The following C8orf74 variants were observed in gnomAD, a reference collection of about 807,000 sequenced individuals.
C8orf74 encodes chromosome 8 open reading frame 74, also known as uncharacterized protein C8orf74.
Under a neutral mutation model 22.2 loss-of-function variants are expected in C8orf74, and 29 were observed. The ratio of observed to expected loss-of-function variants is 1.31; its 90% CI spans 0.97 to 1.78. The LOEUF (loss-of-function observed/expected upper bound fraction) is 1.78. Among genes scored for constraint, C8orf74 ranks in the 40% most tolerant of loss-of-function variants. C8orf74 has a pLI of 0.00. For missense variants in C8orf74, 515 were observed against 369.9 expected (o/e 1.39, Z -3.22); for synonymous variants, 255 against 163.1 (o/e 1.56, Z -4.30).
At chr8:10,699,767 G>T (rs2129059519) in intron 3 of C8orf74, among the ~76,000 whole-genome samples, 1 of 152,366 alleles carries the variant, frequency 6.6e-6, no homozygotes, top group African/African-American at 2.4e-5. Flanking sequence ...TGAGAATGAG[G>T]ATGGTGGGGG....
intron 2 of C8orf74, among the ~76,000 whole-genome samples, chr8:10,682,487 T>G (rs1457853853): frequency 6.6e-6 from 1 of 152,164 alleles, no homozygotes; most frequent in African/African-American, 2.4e-5. Flanking sequence ...CTTGTGGACA[T>G]CCGCCTTCTC....
chr8:10,692,626 C>A (rs1388568594), intron 2 of C8orf74: 1 of 152,266 alleles, frequency 6.6e-6, no homozygotes, highest in Non-Finnish European at 1.5e-5. Flanking sequence ...TCTATCTCAA[C>A]CTCCTGAGTA....
At chr8:10,698,133 C>A in intron 3 of C8orf74, 128 bp downstream of exon 3, 1 of 932,202 alleles carries the variant, frequency 1.1e-6, no homozygotes, top group Non-Finnish European at 1.5e-6. Flanking sequence ...AGGGAGGAAT[C>A]AAGAGTCTAC....
Position 10,698,022 on chromosome 8 carries a change from C to G in C8orf74, c.648+17C>G, listed in dbSNP as rs1183889321. The stretch of plus-strand genomic sequence containing the variant: ...GAGAGACAGGTGAGGCTCTGCCCCC[C>G]TGCCGTGGGTGGGCACCTGGGCCTG... On this transcript the variant is annotated intron_variant, in intron 3 of 3. Coordinates refer to ENST00000304519, the MANE Select transcript of C8orf74 (RefSeq NM_001040032.2). 2.1e-6 allele frequency: 3 copies of G among 1,451,484 alleles called. No individual in the cohort carries two copies. Among genetic ancestry groups the G allele is most frequent in the Non-Finnish European group, 2.7e-6 (3 of 1,106,048 alleles). The allele number at this position is 1,451,484 out of a possible 1,614,324, so 89.9% of individuals were successfully genotyped here. A position where few individuals can be genotyped will look rare whatever the true frequency, so the allele number is the denominator to read the frequency against.
At chr8:10,679,234 T>C (rs990016864) in intron 2 of C8orf74, among the ~76,000 whole-genome samples, 3 of 152,090 alleles carry the variant, frequency 2.0e-5, no homozygotes, top group Non-Finnish European at 1.5e-5. Context: ...GAGGAAGCCC[T>C]GAAAGTGTGC....
chr8:10,696,636 C>T (rs1237666318), intron 2 of C8orf74, among the ~76,000 whole-genome samples: 10 of 151,684 alleles, frequency 6.6e-5, no homozygotes, highest in East Asian at 1.9e-4. Context: ...CTAGTAGAGA[C>T]GGGGTTTTGC....
chr8:10,672,750 T>C (rs1217174015), intron 1 of C8orf74, 37 bp downstream of exon 1: 3 of 1,535,946 alleles, frequency 2.0e-6, no homozygotes, highest in East Asian at 2.4e-5. Context: ...AAACAGAAAC[T>C]GGCTCATCCT....
At chr8:10,683,378 T>C (rs1369490806) in intron 2 of C8orf74, among the ~76,000 whole-genome samples, 3 of 152,172 alleles carry the variant, frequency 2.0e-5, no homozygotes, top group Non-Finnish European at 2.9e-5. Context: ...CAGGACCCCT[T>C]CCCACATCTG....
intron 1 of C8orf74, 39 bp downstream of exon 1, chr8:10,672,752 G>C: frequency 6.5e-7 from 1 of 1,536,546 alleles, no homozygotes; most frequent in Non-Finnish European, 8.8e-7. Context: ...ACAGAAACTG[G>C]CTCATCCTGG....
chr8:10,697,735 G>A lies in C8orf74; in HGVS notation c.378G>A (p.Gln126=), dbSNP rs1488482338. 3.1e-6 allele frequency: 5 copies of A among 1,613,924 alleles called. No individual in the cohort carries two copies. Among genetic ancestry groups the A allele is most frequent in the Non-Finnish European group, 4.2e-6 (5 of 1,179,904 alleles). Residue 126 remains glutamine, a synonymous_variant, in exon 3 of 4, where the codon CAG becomes CAA. Transcript: ENST00000304519. ...HTFIRHYKLY[Q]YVLGQDQQVD... is the part of the protein sequence containing the mutation. Reference sequence around the variant, plus strand: ...TCATCCGCCACTACAAACTCTACCAGTATGTCCTGGGCCAGGACCAGCAGG... The same window carrying A: ...TCATCCGCCACTACAAACTCTACCAATATGTCCTGGGCCAGGACCAGCAGG...
Position 10,697,993 on chromosome 8 carries a change from C to A in C8orf74, c.636C>A (p.Val212=). The change falls in exon 3 of 4, where the codon GTC becomes GTA. Residue 212 remains valine (V), a synonymous_variant. Coordinates refer to ENST00000304519, the MANE Select transcript of C8orf74 (RefSeq NM_001040032.2). ...CCGCGCCTGCGCAGCCCGGCCAGGT[C>A]CTGGAGAGACAGGTGAGGCTCTGCC... ...AAAAPAQPGQ[V]LERQELESLI... 4.7e-6 allele frequency: 7 copies of A among 1,486,008 alleles called. No individual in the cohort carries two copies. Among genetic ancestry groups the A allele is most frequent in the Non-Finnish European group, 4.5e-6 (5 of 1,121,306 alleles). The allele number at this position is 1,486,008 out of a possible 1,614,324, so 92.1% of individuals were successfully genotyped here.
chr8:10,691,151 G>T lies in C8orf74; in HGVS notation c.242-6448G>T, dbSNP rs144819769. On this transcript the variant is annotated intron_variant, in intron 2 of 3. Transcript: ENST00000304519. ...CCAGAACCAGCCAAGAGTGTCTGGG[G>T]GCCGAAAGTTAGAATTCAGCCCAGG... 2,089 of 349,144 alleles carry T rather than the reference G, an allele frequency of 6.0e-3. 40 individuals carry two copies. The highest frequency in any genetic ancestry group is 0.035 in the Admixed American group (941 of 26,928). 21.6% of individuals were successfully genotyped at this position (349,144 alleles called of 1,614,324 possible).
chr8:10,699,436 C>CT (rs2129059478), intron 3 of C8orf74, among the ~76,000 whole-genome samples: 1 of 152,362 alleles, frequency 6.6e-6, no homozygotes, highest in Non-Finnish European at 1.5e-5. Context: ...TTTTGCATAT[C>CT]TTTTAAGTGA....
chr8:10,688,073 T>C (rs1799298024), intron 2 of C8orf74, among the ~76,000 whole-genome samples: 1 of 151,812 alleles, frequency 6.6e-6, no homozygotes, highest in South Asian at 2.1e-4. Context: ...GGCGTGGTAG[T>C]GTACACCTGT....
intron 3 of C8orf74, among the ~76,000 whole-genome samples, chr8:10,698,901 CCACA>C (rs59324425): frequency 0.12 from 16,716 of 137,440 alleles, 1,035 homozygotes; most frequent in Middle Eastern, 0.18. Context: ...TACACACACA[CCACA>C]CACACACACA....
chr8:10,697,636 C>G lies in C8orf74; in HGVS notation c.279C>G (p.Asn93Lys). ...CTGAGGCTGTGACGATCCTGGGGAA[C>G]AAGCTTAGAGATTACCGGGGCCATT... ...SITEAVTILG[N>K]KLRDYRGHFN... Residue 93 changes from asparagine (N) to lysine (K), a missense_variant, in exon 3 of 4, where the codon AAC becomes AAG. Coordinates refer to ENST00000304519, the MANE Select transcript of C8orf74 (RefSeq NM_001040032.2). 1 of 1,613,966 alleles carries G rather than the reference C, an allele frequency of 6.2e-7. No individual in the cohort carries two copies. Among genetic ancestry groups the G allele is most frequent in the South Asian group, 1.1e-5 (1 of 91,078 alleles).
intron 3 of C8orf74, among the ~76,000 whole-genome samples, chr8:10,699,331 C>G (rs924952883): frequency 6.6e-6 from 1 of 152,174 alleles, no homozygotes; most frequent in Admixed American, 6.5e-5. Context: ...GGGCATAGAA[C>G]AAAAAACACC....
chr8:10,679,041 G>A (rs139565377), intron 2 of C8orf74, among the ~76,000 whole-genome samples: 2 of 152,268 alleles, frequency 1.3e-5, no homozygotes, highest in East Asian at 3.9e-4. Context: ...TCACCTCCAG[G>A]CCCAGGCTGA....
At chr8:10,684,844 C>T (rs1799227402) in intron 2 of C8orf74, among the ~76,000 whole-genome samples, 1 of 152,224 alleles carries the variant, frequency 6.6e-6, no homozygotes, top group South Asian at 2.1e-4. Context: ...CCAGCATCAC[C>T]ACTGTTGCCC....
Sources: gnomAD v4.1 joint callset for allele counts (sites outside exome capture counted in the v4.1 genomes callset) on GRCh38, gnomAD v4.1.1 for gene constraint, MANE v1.5 for transcripts, NCBI Gene and HGNC (gene_info 2026-07-23, HGNC 2026-07-21) for gene names.